The following MEGF10 variants were observed in gnomAD, a reference collection of about 807,000 sequenced individuals.
MEGF10 encodes multiple epidermal growth factor-like domains protein 10.
MEGF10 carries 86 observed loss-of-function variants against 147.5 expected under a neutral mutation model. That is an observed-to-expected ratio of 0.58 (90% CI 0.49 to 0.70). The LOEUF (loss-of-function observed/expected upper bound fraction) is 0.70, where lower values mean the gene tolerates loss of function less well. Among genes scored for constraint, MEGF10 ranks in the 30% least tolerant of loss-of-function variants. The probability of loss-of-function intolerance (pLI) is 0.00; values close to 1 mark genes in which losing one functional copy is unlikely to be tolerated. For synonymous variants in MEGF10, 478 were observed against 525.5 expected, an observed-to-expected ratio of 0.91 and a Z score of 1.24; for missense variants, 1,329 against 1,487.3, an observed-to-expected ratio of 0.89 and a Z score of 1.75.
chr5:127,424,520 A>G (rs1765144905), intron 13 of MEGF10: 15 of 1,440,370 alleles, frequency 1.0e-5, no homozygotes, highest in African/African-American at 1.4e-5. Context: ...GTCACCAGCA[A>G]CCTCTTCAGT....
At chr5:127,435,912 A>T (rs917345339) in intron 16 of MEGF10, among the ~76,000 whole-genome samples, 14 of 152,180 alleles carry the variant, frequency 9.2e-5, no homozygotes, top group African/African-American at 3.4e-4. Flanking sequence ...CCCACCTAAT[A>T]TGCTTAGCTT....
At chr5:127,303,233 G>A (rs983401119) in intron 1 of MEGF10, among the ~76,000 whole-genome samples, 4 of 151,862 alleles carry the variant, frequency 2.6e-5, no homozygotes, top group African/African-American at 9.7e-5. Context: ...CTACTCGGGA[G>A]GCTGAGGCAG....
chr5:127,377,252 A>G (rs1404071762), intron 5 of MEGF10, among the ~76,000 whole-genome samples: 1 of 152,194 alleles, frequency 6.6e-6, no homozygotes, highest in Non-Finnish European at 1.5e-5. Flanking sequence ...GCAGTAACAC[A>G]TTTGTTTTCT....
chr5:127,459,424 T>C lies in MEGF10; in HGVS notation c.*2106T>C, dbSNP rs886059872. 3 of 152,222 alleles carry C rather than the reference T, an allele frequency of 2.0e-5. No individual in the cohort carries two copies. Among genetic ancestry groups the C allele is most frequent in the Non-Finnish European group, 4.4e-5 (3 of 68,046 alleles). 9.4% of individuals were successfully genotyped at this position (152,222 alleles called of 1,614,324 possible). A position where few individuals can be genotyped will look rare whatever the true frequency, so the allele number is the denominator to read the frequency against. The stretch of plus-strand genomic sequence containing the variant: ...CCAACTCTAGGTGATAGGCATCTAA[T>C]TGAGACATGTGTGAGTCAATAGCCA... On this transcript the variant is annotated 3_prime_UTR_variant, in exon 25 of 25. Coordinates refer to ENST00000503335, the MANE Select transcript of MEGF10 (RefSeq NM_001256545.2).
chr5:127,315,355 T>C (rs1760479366), intron 1 of MEGF10, among the ~76,000 whole-genome samples: 1 of 152,204 alleles, frequency 6.6e-6, no homozygotes, highest in African/African-American at 2.4e-5. Context: ...TTGCCTTATT[T>C]AGGTAATATA....
chr5:127,251,168 GA>G, the MEGF10 span, among the ~76,000 whole-genome samples: 1 of 152,040 alleles, frequency 6.6e-6, no homozygotes, highest in African/African-American at 2.4e-5. Context: ...AAAAATGAGG[GA>G]AACTTGTCTT....
At chr5:127,236,667 GTCT>G in the MEGF10 span, among the ~76,000 whole-genome samples, 22 of 152,122 alleles carry the variant, frequency 1.4e-4, no homozygotes, top group Non-Finnish European at 3.2e-4. Flanking sequence ...ATCCTTCCCT[GTCT>G]TCTTAAACTT....
the MEGF10 span, among the ~76,000 whole-genome samples, chr5:127,258,470 T>C: frequency 6.6e-6 from 1 of 152,170 alleles, no homozygotes; most frequent in African/African-American, 2.4e-5. Flanking sequence ...ATTTGATTTT[T>C]TTGCTTCAAA....
upstream of MEGF10, among the ~76,000 whole-genome samples, chr5:127,289,305 A>G (rs1164160594): frequency 6.6e-6 from 1 of 152,256 alleles, no homozygotes; most frequent in Non-Finnish European, 1.5e-5. Flanking sequence ...TCTTTGGGTA[A>G]TAAGTGGCAT....
intron 1 of MEGF10, among the ~76,000 whole-genome samples, chr5:127,296,921 A>G (rs75295322): frequency 0.018 from 2,748 of 152,318 alleles, 72 homozygotes; most frequent in East Asian, 0.11. Flanking sequence ...TTAAAAAAGT[A>G]ATAGGTTGGA....
intron 5 of MEGF10, among the ~76,000 whole-genome samples, chr5:127,394,618 G>T (rs1402174824): frequency 2.0e-5 from 3 of 151,954 alleles, no homozygotes; most frequent in African/African-American, 2.4e-5. Flanking sequence ...TTTTCTTAAA[G>T]ATTTTTTTCT....
At chr5:127,427,411 C>T (rs1398357623) in intron 13 of MEGF10, among the ~76,000 whole-genome samples, 1 of 151,850 alleles carries the variant, frequency 6.6e-6, no homozygotes, top group Non-Finnish European at 1.5e-5. Context: ...CTCTAGGGGT[C>T]TTGAGAAAGA....
intron 9 of MEGF10, among the ~76,000 whole-genome samples, chr5:127,417,401 T>C (rs1395517771): frequency 6.6e-6 from 1 of 152,330 alleles, no homozygotes; most frequent in Admixed American, 6.5e-5. Context: ...AAGGATGTGG[T>C]TGTAATACAT....
At chr5:127,445,723 C>G (rs368636036) in intron 20 of MEGF10, 30 bp downstream of exon 20, 1 of 1,557,956 alleles carries the variant, frequency 6.4e-7, no homozygotes, top group South Asian at 1.1e-5. Context: ...AGGCATTTTG[C>G]TTCTTGAAAA....
At chr5:127,318,708 CA>C (rs1760666875) in intron 1 of MEGF10, among the ~76,000 whole-genome samples, 1 of 152,038 alleles carries the variant, frequency 6.6e-6, no homozygotes, top group Admixed American at 6.6e-5. Flanking sequence ...ATAAGCAGAT[CA>C]AACGTAATTG....
intron 1 of MEGF10, among the ~76,000 whole-genome samples, chr5:127,314,326 TAGAAGTCA>T: frequency 6.6e-6 from 1 of 152,244 alleles, no homozygotes; most frequent in Middle Eastern, 3.4e-3. Flanking sequence ...GGGAGAGAAG[TAGAAGTCA>T]GGGAGGAGTA....
the MEGF10 span, among the ~76,000 whole-genome samples, chr5:127,271,169 ACTC>A: frequency 6.6e-6 from 1 of 152,146 alleles, no homozygotes; most frequent in African/African-American, 2.4e-5. Context: ...ACTAATTTAC[ACTC>A]CTACCAAGAG....
intron 13 of MEGF10, among the ~76,000 whole-genome samples, chr5:127,428,186 AC>A (rs1765270877): frequency 6.8e-6 from 1 of 147,836 alleles, no homozygotes; most frequent in African/African-American, 2.5e-5. Flanking sequence ...GCAAAGGCAA[AC>A]ACCTCTGATT....
At position 127,460,234 on chromosome 5, in the gene MEGF10, A is replaced by G. The variant is rs1766514310; in HGVS notation, c.*2916A>G. On this transcript the variant is annotated 3_prime_UTR_variant, in exon 25 of 25. Coordinates refer to ENST00000503335, the MANE Select transcript of MEGF10 (RefSeq NM_001256545.2). ...GAAGTTGATGTATCAGAAAATTTAT[A>G]AGTTATTTGTATTTATATATAAGTA... 6.6e-6 allele frequency: 1 copy of G among 152,190 alleles called. No individual in the cohort carries two copies. Among genetic ancestry groups the G allele is most frequent in the Non-Finnish European group, 1.5e-5 (1 of 68,028 alleles). The allele number at this position is 152,190 out of a possible 1,614,324, so 9.4% of individuals were successfully genotyped here.
Sources: gnomAD v4.1 joint callset for allele counts (sites outside exome capture counted in the v4.1 genomes callset) on GRCh38, gnomAD v4.1.1 for gene constraint, MANE v1.5 for transcripts, NCBI Gene and HGNC (gene_info 2026-07-23, HGNC 2026-07-21) for gene names.